The following COPB2 variants were observed in gnomAD, a reference collection of about 807,000 sequenced individuals.
COPB2 encodes the protein coat protein complex I subunit beta 2.
COPB2 carries 16 observed loss-of-function variants against 120.8 expected under a neutral mutation model. The ratio of observed to expected loss-of-function variants is 0.13; its 90% CI spans 0.09 to 0.20. The LOEUF (loss-of-function observed/expected upper bound fraction) is 0.20. COPB2 is among the 10% of genes least tolerant of loss of function. The probability of loss-of-function intolerance (pLI) is 1.00; values close to 1 mark genes in which losing one functional copy is unlikely to be tolerated. For missense variants in COPB2, 794 were observed against 1,076.5 expected (o/e 0.74, Z 3.67); for synonymous variants, 332 against 366.3 (o/e 0.91, Z 1.07).
intron 1 of COPB2, among the ~76,000 whole-genome samples, chr3:139,386,410 A>G (rs1941922627): frequency 6.6e-6 from 1 of 151,986 alleles, no homozygotes; most frequent in Admixed American, 6.6e-5. Flanking sequence ...GCCTGCCACC[A>G]TGTCCAGCTA....
At chr3:139,386,411 T>C (rs1271315342) in intron 1 of COPB2, among the ~76,000 whole-genome samples, 3 of 152,026 alleles carry the variant, frequency 2.0e-5, no homozygotes, top group East Asian at 1.9e-4. Context: ...CCTGCCACCA[T>C]GTCCAGCTAA....
chr3:139,371,130 G>C (rs1325334642), intron 10 of COPB2, among the ~76,000 whole-genome samples: 1 of 152,138 alleles, frequency 6.6e-6, no homozygotes, highest in Non-Finnish European at 1.5e-5. Flanking sequence ...GAATCAAAAA[G>C]GAACCAGAGC....
chr3:139,387,068 G>A (rs545406339), intron 1 of COPB2, among the ~76,000 whole-genome samples: 1 of 147,884 alleles, frequency 6.8e-6, no homozygotes, highest in East Asian at 1.9e-4. Flanking sequence ...AAAATTAGTT[G>A]GACGTGGTGG....
At chr3:139,378,311 A>T in intron 4 of COPB2, 122 bp from the exon 5 acceptor site, 1 of 912,308 alleles carries the variant, frequency 1.1e-6, no homozygotes, top group Non-Finnish European at 1.5e-6. Context: ...ACAGAAATAG[A>T]ATCAAAACCA....
chr3:139,380,215 T>C (rs886832945), intron 2 of COPB2: 1 of 152,108 alleles, frequency 6.6e-6, no homozygotes, highest in Non-Finnish European at 1.5e-5. Flanking sequence ...TTTCACCATG[T>C]TGGCCAGGGT....
chr3:139,358,585 G>C, intron 20 of COPB2, 159 bp downstream of exon 20: 1 of 623,116 alleles, frequency 1.6e-6, no homozygotes, highest in Non-Finnish European at 2.8e-6. Flanking sequence ...GGAGGCTGAG[G>C]CAGGAGAATG....
chr3:139,373,719 T>C lies in COPB2; in HGVS notation c.841A>G (p.Arg281Gly). The change falls in exon 8 of 22, where the codon AGA becomes GGA. Residue 281 changes from arginine (R) to glycine (G), a missense_variant. Arg to Gly is a moderately radical substitution (Grantham distance 125, BLOSUM62 -2). This residue lies in a region of COPB2 where 610 missense variants were observed against 866.7 expected (regional missense o/e 0.70). Coordinates refer to ENST00000333188, the MANE Select transcript of COPB2 (RefSeq NM_004766.3). ...MERVWCVASL[R>G]GSNNVALGYD... ...CCCAAAGCGACATTGTTTGACCCTC[T>C]TAGACTGGCCACGCACCATACCCTC... The C allele has an allele frequency of 6.2e-7, 1 of 1,614,172 alleles. No individual in the cohort carries two copies. The highest frequency in any genetic ancestry group is 8.5e-7 in the Non-Finnish European group (1 of 1,180,022).
At chr3:139,386,800 A>G (rs1173523080) in intron 1 of COPB2, among the ~76,000 whole-genome samples, 3 of 152,090 alleles carry the variant, frequency 2.0e-5, no homozygotes, top group Admixed American at 2.0e-4. Context: ...AATATTTTAA[A>G]TTATTGATTA....
In COPB2 at chr3:139,369,535, T is replaced by C. The variant is rs1484081962; in HGVS notation, c.1215A>G (p.Ile405Met). 1.3e-5 allele frequency: 21 copies of C among 1,604,452 alleles called. No homozygotes were observed. Among genetic ancestry groups the C allele is most frequent in the Non-Finnish European group, 1.8e-5 (21 of 1,174,450 alleles). The change falls in exon 11 of 22, where the codon ATA becomes ATG. Residue 405 changes from isoleucine to methionine, a missense_variant. Ile to Met is a conservative substitution (Grantham distance 10). This residue lies in a region of COPB2 where 610 missense variants were observed against 866.7 expected (regional missense o/e 0.70). Transcript: ENST00000333188. ...AWAHDSSEYA[I>M]RESNSIVKIF... ...TCTTTACAATGCTGTTGCTCTCTCT[T>C]ATTGCATACCTGGGAGAAAAAAGGG... is the stretch of plus-strand genomic sequence containing the variant.
chr3:139,387,825 T>C, intron 1 of COPB2, among the ~76,000 whole-genome samples: 1 of 152,222 alleles, frequency 6.6e-6, no homozygotes, highest in Non-Finnish European at 1.5e-5. Context: ...ATATTATTAT[T>C]ATCTACCTCT....
At chr3:139,379,532 A>G (rs1466551299) in intron 2 of COPB2, 66 bp from the exon 3 acceptor site, 7 of 1,302,766 alleles carry the variant, frequency 5.4e-6, no homozygotes, top group Admixed American at 3.8e-5. Flanking sequence ...CTACTCTGTT[A>G]TATTTCAAAC....
intron 21 of COPB2, 90 bp downstream of exon 21, chr3:139,358,110 C>CACTT (rs1941326817): frequency 8.1e-7 from 1 of 1,228,446 alleles, no homozygotes. Flanking sequence ...AAACTGATGT[C>CACTT]ACTTAAACCA....
Position 139,367,145 on chromosome 3 carries a change from C to T in COPB2, c.1546G>A (p.Val516Ile), listed in dbSNP as rs1941531911. 2 of 1,610,456 alleles carry T rather than the reference C, an allele frequency of 1.2e-6. No individual in the cohort carries two copies. The highest frequency in any genetic ancestry group is 1.7e-6 in the Non-Finnish European group (2 of 1,179,082). The change falls in exon 14 of 22, where the codon GTT becomes ATT. Residue 516 changes from valine to isoleucine, a missense_variant and splice_region_variant. By Grantham distance (29) the Val-to-Ile change is conservative. Coordinates refer to ENST00000333188, the MANE Select transcript of COPB2 (RefSeq NM_004766.3). Reference sequence around the variant, plus strand: ...ACAATTTCCTGAATCTCACCAAGAACCTGCAGAAAGAAAAATAAAGACAAT... The same window carrying T: ...ACAATTTCCTGAATCTCACCAAGAATCTGCAGAAAGAAAAATAAAGACAAT... ...TEDGIEDAFE[V>I]LGEIQEIVKT...
intron 1 of COPB2, among the ~76,000 whole-genome samples, chr3:139,384,544 C>T (rs547434208): frequency 1.3e-5 from 2 of 152,304 alleles, no homozygotes; most frequent in East Asian, 1.9e-4. Context: ...CAGAGTTTCT[C>T]AGTCATTGTT....
rs761315431 is a variant in COPB2, at chr3:139,359,405, C to A, written c.2211-43G>T. ...GAGGTACTGTTACCAAGAATAAACA[C>A]TATAATAATGGGTACTTAACACAAA... is the stretch of plus-strand genomic sequence containing the variant. On this transcript the variant is annotated intron_variant, in intron 17 of 21. Transcript: ENST00000333188. The A allele has an allele frequency of 2.0e-5, 31 of 1,556,676 alleles. No individual in the cohort carries two copies. The East Asian group carries it at 7.0e-4, about 35-fold the overall frequency.
chr3:139,385,823 G>A (rs1049982849), intron 1 of COPB2, among the ~76,000 whole-genome samples: 1 of 152,104 alleles, frequency 6.6e-6, no homozygotes, highest in African/African-American at 2.4e-5. Context: ...TAGGGCAGTG[G>A]GCTTAATTCT....
intron 2 of COPB2, chr3:139,382,568 T>C (rs1941835101): frequency 6.6e-6 from 1 of 152,312 alleles, no homozygotes; most frequent in Non-Finnish European, 1.5e-5. Context: ...TAGGTTTACT[T>C]CTGGCTTTGG....
intron 15 of COPB2, among the ~76,000 whole-genome samples, chr3:139,365,898 TTAGAAC>T (rs1941506549): frequency 6.6e-6 from 1 of 152,186 alleles, no homozygotes; most frequent in African/African-American, 2.4e-5. Context: ...TCAATCAAAA[TTAGAAC>T]TATTCTGAGA....
Position 139,357,820 on chromosome 3 carries a change from A to G in COPB2, c.*43T>C, listed in dbSNP as rs775881805. On this transcript the variant is annotated 3_prime_UTR_variant, in exon 22 of 22. Coordinates refer to ENST00000333188, the MANE Select transcript of COPB2 (RefSeq NM_004766.3). ...TCAGGGTAGCAATCAATACCTATAT[A>G]TAATAATGATCTGTTTAGTCAGGTA... The G allele has an allele frequency of 1.9e-6, 2 of 1,079,784 alleles. No individual in the cohort carries two copies. Among genetic ancestry groups the G allele is most frequent in the South Asian group, 1.5e-5 (1 of 67,862 alleles). The allele number at this position is 1,079,784 out of a possible 1,614,324, so 66.9% of individuals were successfully genotyped here.
Sources: gnomAD v4.1 joint callset for allele counts (sites outside exome capture counted in the v4.1 genomes callset) on GRCh38, gnomAD v4.1.1 for gene constraint, gnomAD v4.1.1 regional missense constraint, MANE v1.5 for transcripts, NCBI Gene and HGNC (gene_info 2026-07-23, HGNC 2026-07-21) for gene names.